Variants in ARHGEF18 observed in about 807,000 individuals in gnomAD.
ARHGEF18 encodes the protein rho guanine nucleotide exchange factor 18.
Under a neutral mutation model 155.7 loss-of-function variants are expected in ARHGEF18, and 93 were observed. The ratio of observed to expected loss-of-function variants is 0.60; its 90% CI spans 0.50 to 0.71. The LOEUF (loss-of-function observed/expected upper bound fraction) is 0.71, where lower values mean the gene tolerates loss of function less well. Among genes scored for constraint, ARHGEF18 ranks in the 30% least tolerant of loss-of-function variants. ARHGEF18 has a pLI of 0.00. For synonymous variants in ARHGEF18, 742 were observed against 753.1 expected (o/e 0.99, Z 0.24); for missense variants, 1,593 against 1,816.1 (o/e 0.88, Z 2.23).
chr19:7,471,876 C>G lies in ARHGEF18; in HGVS notation c.*1578C>G, dbSNP rs1977039362. On this transcript the variant is annotated 3_prime_UTR_variant, in exon 29 of 29. Coordinates refer to ENST00000668164, the MANE Select transcript of ARHGEF18 (RefSeq NM_001367823.1). The surrounding 1 kb of genome is among the most constrained non-coding windows in gnomAD (Gnocchi z 4.4). ...GCCAGGTGTCCCCAGGCTCCTGGCC[C>G]CTCCGACGACCTCAACTCTGCCCAG... The G allele has an allele frequency of 6.6e-6, 1 of 152,350 alleles. No individual in the cohort carries two copies. Among genetic ancestry groups the G allele is most frequent in the African/African-American group, 2.4e-5 (1 of 41,434 alleles). The allele number at this position is 152,350 out of a possible 1,614,324, so 9.4% of individuals were successfully genotyped here.
At chr19:7,366,180 A>T (rs1355236619) in intron 2 of ARHGEF18, among the ~76,000 whole-genome samples, 1 of 152,186 alleles carries the variant, frequency 6.6e-6, no homozygotes, top group Non-Finnish European at 1.5e-5. Flanking sequence ...TCCTGGACTC[A>T]TGTGATCCAC....
At chr19:7,417,742 A>G (rs929681088) in intron 10 of ARHGEF18, among the ~76,000 whole-genome samples, 1 of 152,144 alleles carries the variant, frequency 6.6e-6, no homozygotes, top group African/African-American at 2.4e-5. Context: ...CAGAAGGAGC[A>G]GCAGCCACGG....
chr19:7,374,642 C>T (rs972538086), intron 3 of ARHGEF18, among the ~76,000 whole-genome samples: 4 of 150,824 alleles, frequency 2.7e-5, no homozygotes, highest in African/African-American at 9.7e-5. Flanking sequence ...TATGCCACTG[C>T]ACTCCAGCCT....
At chr19:7,407,217 G>A (rs1205765401) in intron 10 of ARHGEF18, among the ~76,000 whole-genome samples, 1 of 151,254 alleles carries the variant, frequency 6.6e-6, no homozygotes, top group African/African-American at 2.4e-5. Flanking sequence ...CTGAGGTCAG[G>A]AGTTCGAGAC....
intron 10 of ARHGEF18, among the ~76,000 whole-genome samples, chr19:7,391,990 C>G (rs1435520844): frequency 1.3e-5 from 2 of 152,112 alleles, no homozygotes; most frequent in African/African-American, 4.8e-5. Context: ...CCTGTAATCC[C>G]AGCACTTTGG....
At chr19:7,391,472 C>T (rs984908376) in intron 10 of ARHGEF18, among the ~76,000 whole-genome samples, 2 of 152,140 alleles carry the variant, frequency 1.3e-5, no homozygotes, top group Non-Finnish European at 1.5e-5. Flanking sequence ...TATCCCTCCA[C>T]GCTTCTCTCC....
chr19:7,435,552 C>T (rs1158590664), intron 10 of ARHGEF18, among the ~76,000 whole-genome samples: 1 of 152,016 alleles, frequency 6.6e-6, no homozygotes, highest in African/African-American at 2.4e-5. Context: ...GCAGCGGGAC[C>T]GTGGCCAGGA....
intron 14 of ARHGEF18, among the ~76,000 whole-genome samples, chr19:7,445,722 C>G (rs967727085): frequency 5.3e-5 from 8 of 152,072 alleles, no homozygotes; most frequent in African/African-American, 1.9e-4. Context: ...CAGGTTCAAG[C>G]AATTCTCATG....
intron 10 of ARHGEF18, among the ~76,000 whole-genome samples, chr19:7,426,422 G>T (rs529639237): frequency 6.6e-5 from 10 of 150,422 alleles, no homozygotes; most frequent in Admixed American, 6.1e-4. Flanking sequence ...GGGAGGCAGA[G>T]GTTGCAGTGA....
At chr19:7,453,747 G>A (rs1349500273) in intron 17 of ARHGEF18, 32 bp downstream of exon 17, 5 of 1,511,956 alleles carry the variant, frequency 3.3e-6, no homozygotes, top group Non-Finnish European at 4.4e-6. Flanking sequence ...CCTCTAGTGG[G>A]TGCCATCTTG....
At chr19:7,383,261 T>C (rs1970832652) in intron 10 of ARHGEF18, 58 bp downstream of exon 10, 18 of 1,231,162 alleles carry the variant, frequency 1.5e-5, no homozygotes, top group Non-Finnish European at 1.8e-5. Context: ...CTTCTTCACG[T>C]CCTTTCAATC....
chr19:7,356,424 C>T (rs1160061407), intron 1 of ARHGEF18, among the ~76,000 whole-genome samples: 1 of 151,958 alleles, frequency 6.6e-6, no homozygotes, highest in African/African-American at 2.4e-5. Context: ...CAGGTGCCCC[C>T]CACCACACCT....
chr19:7,386,774 G>A (rs1345780674), intron 10 of ARHGEF18, among the ~76,000 whole-genome samples: 1 of 152,060 alleles, frequency 6.6e-6, no homozygotes, highest in Non-Finnish European at 1.5e-5. Context: ...TCACTCGATA[G>A]CTGAGCTTGC....
chr19:7,362,030 A>C, intron 1 of ARHGEF18, among the ~76,000 whole-genome samples: 1 of 48,126 alleles, frequency 2.1e-5, no homozygotes, highest in African/African-American at 1.9e-4. Context: ...AAGGAGAAGG[A>C]GAAGGAGAAG....
At position 7,380,602 on chromosome 19, in the gene ARHGEF18, C is replaced by T. The variant is rs969387741; in HGVS notation, c.645-315C>T. On this transcript the variant is annotated intron_variant, in intron 7 of 28. Coordinates refer to ENST00000668164, the MANE Select transcript of ARHGEF18 (RefSeq NM_001367823.1). ...AGGAGACTGAGGCGGGAGGATTGCTCAAGCCCCGGAGGTCGAGGCTGCAGT... is the reference window on the plus strand; with the variant it reads ...AGGAGACTGAGGCGGGAGGATTGCTTAAGCCCCGGAGGTCGAGGCTGCAGT... Among the ~76,000 whole-genome samples the T allele has an allele frequency of 7.2e-5, 11 of 151,980 alleles. 1 individual carries two copies. Among genetic ancestry groups the T allele is most frequent in the Non-Finnish European group, 1.5e-4 (10 of 68,010 alleles).
chr19:7,391,847 C>T (rs899174505), intron 10 of ARHGEF18, among the ~76,000 whole-genome samples: 1 of 152,066 alleles, frequency 6.6e-6, no homozygotes, highest in African/African-American at 2.4e-5. Flanking sequence ...CGAGAATTAT[C>T]CAGCCCTAAT....
intron 10 of ARHGEF18, among the ~76,000 whole-genome samples, chr19:7,398,363 G>A (rs989063226): frequency 6.6e-6 from 1 of 151,856 alleles, no homozygotes; most frequent in Non-Finnish European, 1.5e-5. Flanking sequence ...GAGCCACCAC[G>A]CCCGGTCATA....
chr19:7,468,951 G>T lies in ARHGEF18; in HGVS notation c.3607G>T (p.Ala1203Ser). The change falls in exon 27 of 29, where the codon GCC (alanine) becomes TCC (serine). Residue 1203 changes from alanine to serine, a missense_variant. Transcript: ENST00000668164. ...ERPEVARRDS[A>S]PTENRLAKSD... Reference sequence around the variant, plus strand: ...CCCCGAGGTGGCTCGCCGGGACAGCGCCCCCACCGAGAACCGGCTGGCCAA... The same window carrying T: ...CCCCGAGGTGGCTCGCCGGGACAGCTCCCCCACCGAGAACCGGCTGGCCAA... 1 of 1,580,942 alleles carries T rather than the reference G, an allele frequency of 6.3e-7. No individual in the cohort carries two copies. The highest frequency in any genetic ancestry group is 1.8e-5 in the Admixed American group (1 of 55,630).
intron 10 of ARHGEF18, among the ~76,000 whole-genome samples, chr19:7,421,622 C>T (rs7343141): frequency 0.5 from 75,338 of 151,798 alleles, 19,804 homozygotes; most frequent in Middle Eastern, 0.71. Context: ...ATTAGCCAGG[C>T]ATGGTGGTGC....
Sources: gnomAD v4.1 joint callset for allele counts (sites outside exome capture counted in the v4.1 genomes callset) on GRCh38, gnomAD v4.1.1 for gene constraint, Gnocchi (gnomAD v3.1) non-coding constraint, MANE v1.5 for transcripts, NCBI Gene and HGNC (gene_info 2026-07-23, HGNC 2026-07-21) for gene names.